GRID1: variants seen among roughly 807,000 people sequenced by gnomAD.
The protein encoded by GRID1 is glutamate receptor ionotropic, delta-1.
Under a neutral mutation model 98.0 loss-of-function variants are expected in GRID1, and 28 were observed. The observed-to-expected ratio is 0.29, with a 90% confidence interval of 0.21 to 0.39. The LOEUF is 0.39. Among genes scored for constraint, GRID1 ranks in the 10% least tolerant of loss-of-function variants. GRID1 has a pLI of 1.00. For synonymous variants in GRID1, 553 were observed against 538.5 expected (o/e 1.03, Z -0.37); for missense variants, 1,111 against 1,340.5 (o/e 0.83, Z 2.67).
At chr10:86,251,023 C>T (rs1415123786) in intron 2 of GRID1, among the ~76,000 whole-genome samples, 2 of 152,306 alleles carry the variant, frequency 1.3e-5, no homozygotes, top group Non-Finnish European at 2.9e-5. Context: ...CCTTGGGATG[C>T]TGTTAATCTA....
At chr10:85,839,054 T>C (rs1380982573) in intron 8 of GRID1, among the ~76,000 whole-genome samples, 1 of 152,176 alleles carries the variant, frequency 6.6e-6, no homozygotes, top group Non-Finnish European at 1.5e-5. Flanking sequence ...AAGAAGTACA[T>C]TGCATAATGG....
intron 8 of GRID1, among the ~76,000 whole-genome samples, chr10:85,827,893 T>C (rs1364779468): frequency 6.6e-6 from 1 of 152,136 alleles, no homozygotes; most frequent in African/African-American, 2.4e-5. Context: ...AGAAAACTAA[T>C]GAAGACATTC....
intron 8 of GRID1, among the ~76,000 whole-genome samples, chr10:85,740,627 G>T (rs190162966): frequency 6.9e-4 from 105 of 152,222 alleles, no homozygotes; most frequent in African/African-American, 2.3e-3. Context: ...TGTACCTCCA[G>T]GAAGTACAAG....
intron 2 of GRID1, among the ~76,000 whole-genome samples, chr10:86,297,879 T>C (rs1847618311): frequency 6.6e-6 from 1 of 152,196 alleles, no homozygotes; most frequent in African/African-American, 2.4e-5. Flanking sequence ...ACTTCACATC[T>C]ATTAAATAGC....
chr10:85,903,847 T>C (rs1327905881), intron 5 of GRID1, among the ~76,000 whole-genome samples: 1 of 152,196 alleles, frequency 6.6e-6, no homozygotes, highest in Non-Finnish European at 1.5e-5. Context: ...TCCAGAAATA[T>C]GCACAGCATC....
chr10:86,006,417 G>A (rs561630180), intron 4 of GRID1, among the ~76,000 whole-genome samples: 33 of 152,210 alleles, frequency 2.2e-4, no homozygotes, highest in African/African-American at 7.7e-4. Context: ...TCAAGAGATC[G>A]AGACCATTCT....
intron 12 of GRID1, among the ~76,000 whole-genome samples, chr10:85,716,726 A>G (rs899174221): frequency 1.3e-4 from 19 of 148,378 alleles, no homozygotes; most frequent in African/African-American, 4.4e-4. Flanking sequence ...GATACATTAT[A>G]TATAATTAAT....
intron 8 of GRID1, among the ~76,000 whole-genome samples, chr10:85,783,034 T>C (rs1204340593): frequency 6.6e-6 from 1 of 152,168 alleles, no homozygotes; most frequent in South Asian, 2.1e-4. Context: ...TCATTTTTCT[T>C]CTCAGCCTCC....
intron 12 of GRID1, among the ~76,000 whole-genome samples, chr10:85,690,059 C>T (rs1247726785): frequency 6.6e-6 from 1 of 152,042 alleles, no homozygotes; most frequent in African/African-American, 2.4e-5. Flanking sequence ...GAATAACACC[C>T]AACTTATCAA....
At chr10:86,114,919 G>A (rs927958518) in intron 4 of GRID1, among the ~76,000 whole-genome samples, 6 of 152,324 alleles carry the variant, frequency 3.9e-5, no homozygotes, top group African/African-American at 1.4e-4. Context: ...GCACTCAGCA[G>A]GGATGTAGTG....
chr10:85,625,499 GA>G (rs1174928120), intron 13 of GRID1, among the ~76,000 whole-genome samples: 13 of 152,308 alleles, frequency 8.5e-5, no homozygotes, highest in African/African-American at 3.1e-4. Context: ...ATAGATGCAG[GA>G]ACTTTAGTGA....
chr10:86,082,786 C>T (rs1843995481), intron 4 of GRID1, among the ~76,000 whole-genome samples: 2 of 152,200 alleles, frequency 1.3e-5, no homozygotes, highest in Admixed American at 1.3e-4. Flanking sequence ...GACTCTGCAC[C>T]TGTGTACAGA....
chr10:86,296,186 C>G (rs1184053436), intron 2 of GRID1, among the ~76,000 whole-genome samples: 1 of 152,168 alleles, frequency 6.6e-6, no homozygotes, highest in Non-Finnish European at 1.5e-5. Flanking sequence ...AGTGGCTCAC[C>G]GTTAAGTGAA....
At chr10:85,758,245 G>C (rs1262898285) in intron 8 of GRID1, among the ~76,000 whole-genome samples, 1 of 152,144 alleles carries the variant, frequency 6.6e-6, no homozygotes, top group Non-Finnish European at 1.5e-5. Context: ...GCAAAACTTA[G>C]TAGCTTACAA....
chr10:85,710,875 AT>A (rs1284981472), intron 12 of GRID1, among the ~76,000 whole-genome samples: 1 of 152,096 alleles, frequency 6.6e-6, no homozygotes. Context: ...AAAATTTTAA[AT>A]TGTGGAAATG....
At chr10:85,901,502 C>T (rs539322864) in intron 5 of GRID1, among the ~76,000 whole-genome samples, 11 of 152,134 alleles carry the variant, frequency 7.2e-5, no homozygotes, top group Non-Finnish European at 1.6e-4. Context: ...CCCGCCTTGG[C>T]CTCCCAAAGA....
At position 86,190,876 on chromosome 10, in the gene GRID1, T is replaced by TCGTGCATGCATGCATGAGTGTGTA. The variant is rs1162513189; in HGVS notation, c.520+15464_520+15487dup. On this transcript the variant is annotated intron_variant, in intron 3 of 15. Transcript: ENST00000327946. Reference sequence around the variant, plus strand: ...TGTCTATGTGCACATGTGTGCATAGTCGTGCATGCATGCATGAGTGTGTAC... The same window carrying TCGTGCATGCATGCATGAGTGTGTA: ...TGTCTATGTGCACATGTGTGCATAGTCGTGCATGCATGCATGAGTGTGTACGTGCATGCATGCATGAGTGTGTAC... Among the ~76,000 whole-genome samples, 284 of 152,212 alleles carry TCGTGCATGCATGCATGAGTGTGTA rather than the reference T, an allele frequency of 1.9e-3. 1 individual carries two copies. Among genetic ancestry groups the TCGTGCATGCATGCATGAGTGTGTA allele is most frequent in the South Asian group, 8.5e-3 (41 of 4,812 alleles).
At chr10:85,915,337 C>T (rs144352176) in intron 5 of GRID1, among the ~76,000 whole-genome samples, 1 of 151,830 alleles carries the variant, frequency 6.6e-6, no homozygotes, top group East Asian at 1.9e-4. Flanking sequence ...CTCACGTATA[C>T]ACACTCATGC....
At chr10:86,308,310 G>A (rs1261278826) in intron 2 of GRID1, among the ~76,000 whole-genome samples, 1 of 152,238 alleles carries the variant, frequency 6.6e-6, no homozygotes, top group African/African-American at 2.4e-5. Context: ...GGGCCCACCA[G>A]ACATTGGGAT....
Sources: gnomAD v4.1 joint callset for allele counts (sites outside exome capture counted in the v4.1 genomes callset) on GRCh38, gnomAD v4.1.1 for gene constraint, MANE v1.5 for transcripts, NCBI Gene and HGNC (gene_info 2026-07-23, HGNC 2026-07-21) for gene names.